ANGPT1: variants seen among roughly 807,000 people sequenced by gnomAD.
ANGPT1 encodes angiopoietin-1.
A neutral mutation model predicts 62.2 loss-of-function variants in ANGPT1; 17 were observed. The observed-to-expected ratio is 0.27, with a 90% confidence interval of 0.19 to 0.41. ANGPT1 has a LOEUF of 0.41. Ranked by LOEUF, ANGPT1 falls within the 10% of genes least tolerant of loss-of-function variation. The probability of loss-of-function intolerance (pLI) is 1.00; values close to 1 mark genes in which losing one functional copy is unlikely to be tolerated. For synonymous variants in ANGPT1, 199 were observed against 198.9 expected (o/e 1.00, Z 0.00); for missense variants, 478 against 594.9 (o/e 0.80, Z 2.04).
intron 1 of ANGPT1, among the ~76,000 whole-genome samples, chr8:107,434,528 A>G (rs1290398482): frequency 6.6e-6 from 1 of 152,204 alleles, no homozygotes; most frequent in Non-Finnish European, 1.5e-5. Context: ...ACCTGAATTC[A>G]GTAGAGGAGA....
chr8:107,469,752 A>G (rs1456726099), intron 1 of ANGPT1, among the ~76,000 whole-genome samples: 1 of 152,104 alleles, frequency 6.6e-6, no homozygotes, highest in Admixed American at 6.6e-5. Flanking sequence ...TCACTGCAAT[A>G]CATGCTTTTT....
chr8:107,453,802 T>C (rs1811843773), intron 1 of ANGPT1, among the ~76,000 whole-genome samples: 1 of 151,824 alleles, frequency 6.6e-6, no homozygotes, highest in African/African-American at 2.4e-5. Flanking sequence ...GACTATTAAA[T>C]GAGGTGGCGA....
At chr8:107,258,006 T>C (rs577508959) in intron 8 of ANGPT1, among the ~76,000 whole-genome samples, 15 of 151,470 alleles carry the variant, frequency 9.9e-5, no homozygotes, top group Non-Finnish European at 2.1e-4. Flanking sequence ...TTCTTTTTGT[T>C]CTAAAGATGA....
At chr8:107,371,222 T>G (rs2130243736) in intron 1 of ANGPT1, among the ~76,000 whole-genome samples, 1 of 152,260 alleles carries the variant, frequency 6.6e-6, no homozygotes, top group East Asian at 1.9e-4. Context: ...AGGATCAAAG[T>G]GTTTACTTTT....
intron 1 of ANGPT1, among the ~76,000 whole-genome samples, chr8:107,380,277 C>A (rs571287327): frequency 6.6e-6 from 1 of 151,968 alleles, no homozygotes; most frequent in African/African-American, 2.4e-5. Flanking sequence ...CACAAGGCAG[C>A]AGTTAAAGGC....
At chr8:107,468,405 G>A (rs1812261360) in intron 1 of ANGPT1, among the ~76,000 whole-genome samples, 1 of 152,036 alleles carries the variant, frequency 6.6e-6, no homozygotes, top group Non-Finnish European at 1.5e-5. Context: ...TTGTTAGGCT[G>A]AACAGACAGG....
chr8:107,370,331 AAAG>A (rs1816366059), intron 1 of ANGPT1, among the ~76,000 whole-genome samples: 1 of 38,812 alleles, frequency 2.6e-5, no homozygotes, highest in African/African-American at 6.8e-5. Flanking sequence ...AAGAGAAAGG[AAAG>A]AAAGAAAAAG....
chr8:107,314,697 T>C (rs1471153803), intron 4 of ANGPT1, among the ~76,000 whole-genome samples: 1 of 152,228 alleles, frequency 6.6e-6, no homozygotes, highest in Admixed American at 6.5e-5. Flanking sequence ...TGGAAACAAG[T>C]ACTCACTGCA....
At chr8:107,489,429 C>T (rs975985322) in intron 1 of ANGPT1, among the ~76,000 whole-genome samples, 11 of 152,102 alleles carry the variant, frequency 7.2e-5, no homozygotes, top group Admixed American at 4.6e-4. Context: ...TTATCTTACT[C>T]TATATTTTTC....
intron 8 of ANGPT1, among the ~76,000 whole-genome samples, chr8:107,256,041 T>A (rs947731106): frequency 6.6e-6 from 1 of 152,240 alleles, no homozygotes; most frequent in African/African-American, 2.4e-5. Context: ...CTAATTTTTT[T>A]AAATGTTTCA....
rs768376449 is a variant in ANGPT1 at position 107,497,416 on chromosome 8, G to C, written c.143C>G (p.Pro48Arg). ...HGQCAYTFIL[P>R]EHDGNCREST... The stretch of plus-strand genomic sequence containing the variant: ...CTCACGACAGTTGCCATCGTGTTCT[G>C]GAAGAATGAAAGTGTAGGCACATTG... Residue 48 changes from proline to arginine, a missense_variant, in exon 1 of 9, where the codon CCA (proline) becomes CGA (arginine). Physicochemically the swap from Pro to Arg is moderately radical, Grantham distance 103 (BLOSUM62 -2). This residue lies in a region of ANGPT1 where 343 missense variants were observed against 355.4 expected (regional missense o/e 0.97). Transcript: ENST00000517746. 1.9e-6 allele frequency: 3 copies of C among 1,614,152 alleles called. No homozygotes were observed. The highest frequency in any genetic ancestry group is 2.5e-6 in the Non-Finnish European group (3 of 1,180,012).
intron 1 of ANGPT1, among the ~76,000 whole-genome samples, chr8:107,414,904 A>T (rs1810696449): frequency 6.6e-6 from 1 of 152,148 alleles, no homozygotes; most frequent in South Asian, 2.1e-4. Flanking sequence ...CAGAGCTGCC[A>T]CTCTTTGAAT....
intron 8 of ANGPT1, among the ~76,000 whole-genome samples, chr8:107,252,569 T>C (rs911303057): frequency 1.3e-5 from 2 of 152,246 alleles, no homozygotes; most frequent in South Asian, 4.1e-4. Flanking sequence ...ACTATGATGC[T>C]CAAAAGGGCT....
chr8:107,339,602 T>C (rs941298881), intron 2 of ANGPT1, among the ~76,000 whole-genome samples: 7 of 152,156 alleles, frequency 4.6e-5, no homozygotes, highest in Non-Finnish European at 7.3e-5. Flanking sequence ...ATTATCACTA[T>C]TGAAAACTAT....
intron 3 of ANGPT1, among the ~76,000 whole-genome samples, chr8:107,330,811 G>A (rs1193650442): frequency 1.3e-5 from 2 of 152,050 alleles, no homozygotes. Context: ...GAAGAATTAA[G>A]ATGAGCCTTA....
chr8:107,369,623 TC>T (rs1816341205), intron 1 of ANGPT1, among the ~76,000 whole-genome samples: 1 of 152,144 alleles, frequency 6.6e-6, no homozygotes, highest in Admixed American at 6.6e-5. Flanking sequence ...GTACAATTCT[TC>T]CTTTTACTTG....
At chr8:107,275,517 C>T (rs1813843062) in intron 7 of ANGPT1, among the ~76,000 whole-genome samples, 1 of 152,104 alleles carries the variant, frequency 6.6e-6, no homozygotes, top group African/African-American at 2.4e-5. Context: ...CCTCTTTAGT[C>T]ACAGCACATT....
intron 1 of ANGPT1, among the ~76,000 whole-genome samples, chr8:107,358,290 GA>G (rs1272615252): frequency 6.6e-6 from 1 of 152,096 alleles, no homozygotes; most frequent in Non-Finnish European, 1.5e-5. Flanking sequence ...CCAAGTACTG[GA>G]AGAATTATTA....
intron 1 of ANGPT1, among the ~76,000 whole-genome samples, chr8:107,487,742 C>A (rs373252700): frequency 5.3e-5 from 8 of 152,200 alleles, no homozygotes; most frequent in Admixed American, 4.6e-4. Context: ...TCTTAAAAAA[C>A]ACAAAAATAC....
Sources: gnomAD v4.1 joint callset for allele counts (sites outside exome capture counted in the v4.1 genomes callset) on GRCh38, gnomAD v4.1.1 for gene constraint, gnomAD v4.1.1 regional missense constraint, MANE v1.5 for transcripts, NCBI Gene and HGNC (gene_info 2026-07-23, HGNC 2026-07-21) for gene names.